SEC16A: variants seen among roughly 807,000 people sequenced by gnomAD.
SEC16A encodes the protein protein transport protein Sec16A.
SEC16A carries 110 observed loss-of-function variants against 221.9 expected under a neutral mutation model. The observed-to-expected ratio is 0.50, with a 90% CI of 0.42 to 0.58. The LOEUF (loss-of-function observed/expected upper bound fraction) is 0.58, where lower values mean the gene tolerates loss of function less well. SEC16A is among the 20% of genes least tolerant of loss of function. The pLI is 0.00. For missense variants in SEC16A, 3,165 were observed against 3,097.8 expected, an observed-to-expected ratio of 1.02 and a Z score of -0.52; for synonymous variants, 1,393 against 1,257.7, an observed-to-expected ratio of 1.11 and a Z score of -2.28.
At chr9:136,444,227 C>G in intron 30 of SEC16A, 1 of 205,582 alleles carries the variant, frequency 4.9e-6, no homozygotes, top group East Asian at 1.3e-4. Flanking sequence ...AGCCATGACA[C>G]GAGGCCCAGG....
At chr9:136,480,917 T>G (rs1842240716) in intron 1 of SEC16A, among the ~76,000 whole-genome samples, 1 of 151,784 alleles carries the variant, frequency 6.6e-6, no homozygotes, top group African/African-American at 2.4e-5. Context: ...GCAGCTCTCC[T>G]AGACTAAGAG....
intron 30 of SEC16A, chr9:136,444,197 G>A (rs752773655): frequency 4.3e-5 from 10 of 231,240 alleles, no homozygotes; most frequent in Non-Finnish European, 7.7e-5. Flanking sequence ...AGGTGCCCAC[G>A]GCTGCAGCTC....
intron 17 of SEC16A, among the ~76,000 whole-genome samples, chr9:136,457,858 C>T (rs1348885079): frequency 6.6e-6 from 1 of 152,250 alleles, no homozygotes; most frequent in Non-Finnish European, 1.5e-5. Flanking sequence ...TTTCATGGGG[C>T]CACTCGGCTC....
intron 9 of SEC16A, 71 bp from the exon 10 acceptor site, chr9:136,463,811 G>A (rs1839813398): frequency 6.5e-7 from 1 of 1,542,654 alleles, no homozygotes; most frequent in South Asian, 1.1e-5. Context: ...GGCCAACCCA[G>A]GCACGGATGC....
intron 2 of SEC16A, among the ~76,000 whole-genome samples, chr9:136,477,894 G>C (rs934273659): frequency 1.3e-5 from 2 of 152,116 alleles, no homozygotes; most frequent in African/African-American, 4.8e-5. Flanking sequence ...GAGAACCCTG[G>C]ATGGCCTGGC....
chr9:136,481,360 G>C (rs1035077716), intron 1 of SEC16A, among the ~76,000 whole-genome samples: 3 of 151,926 alleles, frequency 2.0e-5, no homozygotes. Flanking sequence ...GGATGGTCTC[G>C]ATCTCCTGAC....
intron 9 of SEC16A, 89 bp downstream of exon 9, chr9:136,464,331 G>A: frequency 7.9e-7 from 1 of 1,261,890 alleles, no homozygotes. Flanking sequence ...CCAGAGACAA[G>A]GTCTGACAAT....
At chr9:136,473,103 G>A (rs998841618) in intron 3 of SEC16A, among the ~76,000 whole-genome samples, 5 of 152,230 alleles carry the variant, frequency 3.3e-5, no homozygotes, top group East Asian at 1.9e-4. Flanking sequence ...CATGATGCTC[G>A]AGGCCCATGG....
chr9:136,463,412 C>T (rs766473387), intron 11 of SEC16A, 51 bp downstream of exon 11: 30 of 1,594,352 alleles, frequency 1.9e-5, no homozygotes, highest in Middle Eastern at 1.7e-4. Context: ...ATTCCCAAGA[C>T]GAAATGAAGA....
At chr9:136,471,928 T>C in intron 4 of SEC16A, 47 bp downstream of exon 4, 2 of 1,597,280 alleles carry the variant, frequency 1.3e-6, no homozygotes, top group South Asian at 2.2e-5. Flanking sequence ...AACACAGACA[T>C]GGGTCTGAGT....
At chr9:136,462,321 T>C (rs1839592108) in intron 12 of SEC16A, among the ~76,000 whole-genome samples, 1 of 152,100 alleles carries the variant, frequency 6.6e-6, no homozygotes, top group Admixed American at 6.6e-5. Context: ...GTGTCACTGC[T>C]GCAGTCACTA....
intron 31 of SEC16A, 96 bp downstream of exon 31, chr9:136,443,727 G>A: frequency 1.3e-6 from 1 of 787,880 alleles, no homozygotes; most frequent in Non-Finnish European, 2.1e-6. Flanking sequence ...GAAAGAAAAA[G>A]AGGATCTAGG....
chr9:136,463,178 T>A (rs1308671913), intron 11 of SEC16A, 46 bp from the exon 12 acceptor site: 5 of 1,595,856 alleles, frequency 3.1e-6, no homozygotes, highest in Admixed American at 1.7e-5. Flanking sequence ...GGCTCTCAGG[T>A]GAGGACGCGT....
intron 1 of SEC16A, among the ~76,000 whole-genome samples, chr9:136,481,129 CTTT>C (rs1000992506): frequency 4.5e-5 from 4 of 87,972 alleles, no homozygotes; most frequent in Non-Finnish European, 6.4e-5. Flanking sequence ...GAATTTTATT[CTTT>C]TTTTTTTTTT....
At chr9:136,441,894 G>A in intron 31 of SEC16A, 71 bp from the exon 32 acceptor site, 1 of 1,349,330 alleles carries the variant, frequency 7.4e-7, no homozygotes, top group Non-Finnish European at 1.1e-6. Context: ...CTGCAGCGTG[G>A]CAGGGGCTGG....
chr9:136,445,418 A>G (rs1233680067), intron 29 of SEC16A, among the ~76,000 whole-genome samples: 2 of 152,196 alleles, frequency 1.3e-5, no homozygotes, highest in Non-Finnish European at 2.9e-5. Flanking sequence ...GAGGACCGGG[A>G]CTGAGGCGAC....
Position 136,475,018 on chromosome 9 carries a change from A to G in SEC16A, c.2598T>C (p.Asp866=), listed in dbSNP as rs1279634850. 1.2e-6 allele frequency: 2 copies of G among 1,613,550 alleles called. No homozygotes were observed. The highest frequency in any genetic ancestry group is 1.7e-6 in the Non-Finnish European group (2 of 1,179,846). The change falls in exon 3 of 32, where the codon GAT becomes GAC. Residue 866 remains aspartate, a synonymous_variant. Coordinates refer to ENST00000684901, the MANE Select transcript of SEC16A (RefSeq NM_014866.2). The surrounding 1 kb of genome is among the most constrained non-coding windows in gnomAD (Gnocchi z 5.0). ...NQSWREALVG[D]RPAVSSWALG... Reference sequence around the variant, plus strand: ...GAGCCCAACTGCTGACTGCAGGTCTATCCCCCACCAAAGCCTCTCTCCAGG... The same window carrying G: ...GAGCCCAACTGCTGACTGCAGGTCTGTCCCCCACCAAAGCCTCTCTCCAGG...
chr9:136,474,039 C>T lies in SEC16A; in HGVS notation c.3567+10G>A, dbSNP rs753591559. On this transcript the variant is annotated intron_variant, in intron 3 of 31. Coordinates refer to ENST00000684901, the MANE Select transcript of SEC16A (RefSeq NM_014866.2). Reference sequence around the variant, plus strand: ...AGAAAAGTGGGTTACACATACGACTCGACTCTTACCTGGTAATAGAGGGAG... The same window carrying T: ...AGAAAAGTGGGTTACACATACGACTTGACTCTTACCTGGTAATAGAGGGAG... The T allele has an allele frequency of 2.5e-6, 4 of 1,587,780 alleles. No individual in the cohort carries two copies. Among genetic ancestry groups the T allele is most frequent in the Middle Eastern group, 2.1e-4 (1 of 4,690 alleles).
Position 136,459,519 on chromosome 9 carries a change from T to A in SEC16A, c.5228A>T (p.Tyr1743Phe). The change falls in exon 16 of 32, where the codon TAC (tyrosine) becomes TTC (phenylalanine). Residue 1743 changes from tyrosine to phenylalanine, a missense_variant. Transcript: ENST00000684901. The surrounding 1 kb of genome is among the most constrained non-coding windows in gnomAD (Gnocchi z 6.1). ...ACCAAATCCCGCCTGGGCCATGAGG[T>A]AGCAGAAGTGGGCCGCATCCAAGAG... is the stretch of plus-strand genomic sequence containing the variant. ...RGLLDAAHFC[Y>F]LMAQAGFGVY... 1.2e-6 allele frequency: 2 copies of A among 1,605,914 alleles called. No individual in the cohort carries two copies. The highest frequency in any genetic ancestry group is 1.7e-6 in the Non-Finnish European group (2 of 1,175,874).
Sources: allele counts gnomAD v4.1 joint callset (sites outside exome capture counted in the v4.1 genomes callset), GRCh38; gene constraint gnomAD v4.1.1; non-coding constraint Gnocchi (gnomAD v3.1); transcripts MANE v1.5; gene names NCBI Gene and HGNC (gene_info 2026-07-23, HGNC 2026-07-21).